NELL1: variants seen among roughly 807,000 people sequenced by gnomAD.
The protein encoded by NELL1 is protein kinase C-binding protein NELL1.
A neutral mutation model predicts 107.4 loss-of-function variants in NELL1; 76 were observed. The ratio of observed to expected loss-of-function variants is 0.71; its 90% CI spans 0.59 to 0.86. NELL1 has a LOEUF of 0.86. NELL1 is among the 40% of genes least tolerant of loss of function. The pLI is 0.00. For missense variants in NELL1, 1,024 were observed against 1,005.5 expected (o/e 1.02, Z -0.25); for synonymous variants, 353 against 341.2 (o/e 1.03, Z -0.38).
intron 12 of NELL1, among the ~76,000 whole-genome samples, chr11:20,970,405 A>G (rs1851475031): frequency 1.3e-5 from 2 of 152,202 alleles, no homozygotes; most frequent in African/African-American, 4.8e-5. Flanking sequence ...TGATTAAGCC[A>G]TAGATCGTAT....
intron 13 of NELL1, among the ~76,000 whole-genome samples, chr11:21,130,107 T>G (rs1181464327): frequency 1.3e-5 from 2 of 152,202 alleles, no homozygotes; most frequent in Admixed American, 1.3e-4. Flanking sequence ...TTATTTTAAT[T>G]TAATTTTTTT....
intron 15 of NELL1, among the ~76,000 whole-genome samples, chr11:21,422,930 T>G (rs1447651373): frequency 6.6e-6 from 1 of 152,156 alleles, no homozygotes; most frequent in Non-Finnish European, 1.5e-5. Context: ...GATCCAGCTA[T>G]GCACTGTCTA....
intron 15 of NELL1, among the ~76,000 whole-genome samples, chr11:21,529,817 AAG>A (rs1855950722): frequency 6.6e-6 from 1 of 151,970 alleles, no homozygotes; most frequent in Non-Finnish European, 1.5e-5. Flanking sequence ...GACTGTGCTT[AAG>A]AGTCTTTTTT....
chr11:21,573,700 A>G lies in NELL1; in HGVS notation c.2382+291A>G, dbSNP rs541556369. ...TATGACTAACTTAGGCTCTTTTGAC[A>G]TGCATATTAAATAAAAAGAAAAGAA... On this transcript the variant is annotated intron_variant, in intron 19 of 19. Transcript: ENST00000357134. Among the ~76,000 whole-genome samples, 6 of 151,862 alleles carry G rather than the reference A, an allele frequency of 4.0e-5. No homozygotes were observed. In the East Asian group the frequency reaches 1.2e-3, roughly 30 times the overall value.
At chr11:20,762,298 G>T (rs1856438289) in intron 2 of NELL1, among the ~76,000 whole-genome samples, 1 of 152,160 alleles carries the variant, frequency 6.6e-6, no homozygotes, top group South Asian at 2.1e-4. Context: ...CCTTCTTTTA[G>T]ATAAAAGCCT....
At chr11:21,109,941 C>T (rs546878297) in intron 12 of NELL1, among the ~76,000 whole-genome samples, 5 of 152,178 alleles carry the variant, frequency 3.3e-5, no homozygotes, top group Admixed American at 6.5e-5. Flanking sequence ...CTTTGGCAAA[C>T]GTGTTGCCAT....
In NELL1 at chr11:21,030,622, ATTT is replaced by A. The variant is rs201033870; in HGVS notation, c.1300+70080_1300+70082del. Among the ~76,000 whole-genome samples, 1,182 of 120,130 alleles carry A rather than the reference ATTT, an allele frequency of 9.8e-3. 13 individuals are homozygous for A. Among genetic ancestry groups the A allele is most frequent in the African/African-American group, 0.033 (1,126 of 34,252 alleles). 78.8% of individuals were successfully genotyped at this position (120,130 alleles called of 152,430 possible). ...TTATTTTCTTATGTTATTTTCTTGTATTTTTTTTTTTTTTTTTTTTACTTATTT... is the reference window on the plus strand; with the variant it reads ...TTATTTTCTTATGTTATTTTCTTGTATTTTTTTTTTTTTTTTTACTTATTT... On this transcript the variant is annotated intron_variant, in intron 12 of 19. Transcript: ENST00000357134.
chr11:20,724,436 T>A (rs2133913309), intron 2 of NELL1, among the ~76,000 whole-genome samples: 2 of 152,296 alleles, frequency 1.3e-5, no homozygotes, highest in South Asian at 4.1e-4. Context: ...CTTAAATGCT[T>A]CGCTGGTTAG....
chr11:20,778,770 C>G (rs1257613162), intron 2 of NELL1, among the ~76,000 whole-genome samples: 1 of 151,962 alleles, frequency 6.6e-6, no homozygotes, highest in Non-Finnish European at 1.5e-5. Context: ...AAGTACACCC[C>G]CAGGGTTACA....
Position 21,274,350 on chromosome 11 carries a change from T to G in NELL1, c.1549+44896T>G, listed in dbSNP as rs532619871. 5.3e-5 allele frequency among the ~76,000 whole-genome samples: 8 copies of G among 152,306 alleles called. No individual in the cohort carries two copies. The South Asian group carries it at 1.0e-3, about 20-fold the overall frequency. On this transcript the variant is annotated intron_variant, in intron 14 of 19. Transcript: ENST00000357134. ...GATCAATTCAACAAGAAGAGCTAAC[T>G]ATCCTAAATATATATGCACCCAATA...
intron 13 of NELL1, among the ~76,000 whole-genome samples, chr11:21,141,668 G>A (rs1230129733): frequency 1.3e-5 from 2 of 152,104 alleles, no homozygotes. Context: ...AAAGCACAGG[G>A]CAAACTTCAA....
At chr11:21,265,763 G>A (rs1257204177) in intron 14 of NELL1, among the ~76,000 whole-genome samples, 19 of 151,792 alleles carry the variant, frequency 1.3e-4, no homozygotes, top group African/African-American at 4.6e-4. Context: ...TCTCTTTTCT[G>A]AAGTTCATAT....
At chr11:21,289,458 G>A (rs972457918) in intron 14 of NELL1, among the ~76,000 whole-genome samples, 7 of 152,178 alleles carry the variant, frequency 4.6e-5, no homozygotes, top group Admixed American at 2.0e-4. Flanking sequence ...GGACTGTGCC[G>A]TGAGGAACAG....
At chr11:20,689,671 A>AT (rs900662071) in intron 2 of NELL1, among the ~76,000 whole-genome samples, 15 of 147,524 alleles carry the variant, frequency 1.0e-4, no homozygotes, top group African/African-American at 3.3e-4. Flanking sequence ...ACATTTTCTT[A>AT]ATCCAGTCTA....
intron 13 of NELL1, among the ~76,000 whole-genome samples, chr11:21,124,032 G>A (rs913564071): frequency 1.3e-5 from 2 of 152,008 alleles, no homozygotes; most frequent in African/African-American, 4.8e-5. Context: ...ACACAGACAG[G>A]AAATATCCTC....
chr11:20,791,213 T>C (rs1439067218), intron 3 of NELL1, among the ~76,000 whole-genome samples: 1 of 152,130 alleles, frequency 6.6e-6, no homozygotes, highest in Non-Finnish European at 1.5e-5. Context: ...TTCCTGAACA[T>C]GGGGTGTCTT....
intron 14 of NELL1, among the ~76,000 whole-genome samples, chr11:21,258,017 C>T (rs554111640): frequency 1.3e-5 from 2 of 152,164 alleles, no homozygotes; most frequent in Non-Finnish European, 2.9e-5. Flanking sequence ...AGGACCATGA[C>T]TCTTTGTCTC....
chr11:21,560,056 T>C, intron 16 of NELL1, 133 bp from the exon 17 acceptor site: 2 of 796,592 alleles, frequency 2.5e-6, no homozygotes, highest in Admixed American at 1.9e-5. Context: ...AGATAATACA[T>C]GTGAACAGCT....
In NELL1 at chr11:21,560,434, C is replaced by A. The variant is rs375478924; in HGVS notation, c.1980+52C>A. The A allele has an allele frequency of 3.1e-5, 46 of 1,473,392 alleles. No individual in the cohort carries two copies. The African/African-American group carries it at 5.8e-4, about 19-fold the overall frequency. 91.3% of individuals were successfully genotyped at this position (1,473,392 alleles called of 1,614,324 possible). ...TTGAAACTGTTCTTTCTCTTCTTCCCTCACTTTTCTACCTCCCCAGCTCTC... is the reference window on the plus strand; with the variant it reads ...TTGAAACTGTTCTTTCTCTTCTTCCATCACTTTTCTACCTCCCCAGCTCTC... On this transcript the variant is annotated intron_variant, in intron 17 of 19. Coordinates refer to ENST00000357134, the MANE Select transcript of NELL1 (RefSeq NM_006157.5).
Sources: allele counts gnomAD v4.1 joint callset (sites outside exome capture counted in the v4.1 genomes callset), GRCh38; gene constraint gnomAD v4.1.1; transcripts MANE v1.5; gene names NCBI Gene and HGNC (gene_info 2026-07-23, HGNC 2026-07-21).